TBX5: variants seen among roughly 807,000 people sequenced by gnomAD.
TBX5 encodes the protein T-box transcription factor 5.
A neutral mutation model predicts 51.1 loss-of-function variants in TBX5; 8 were observed. The ratio of observed to expected loss-of-function variants is 0.16; its 90% CI spans 0.09 to 0.28. TBX5 has a LOEUF of 0.28. Among genes scored for constraint, TBX5 ranks in the 10% least tolerant of loss-of-function variants. The probability of loss-of-function intolerance (pLI) is 1.00; values close to 1 mark genes in which losing one functional copy is unlikely to be tolerated. For missense variants in TBX5, 589 were observed against 671.7 expected (o/e 0.88, Z 1.36); for synonymous variants, 302 against 266.4 (o/e 1.13, Z -1.30).
intron 8 of TBX5, among the ~76,000 whole-genome samples, chr12:114,361,855 T>C (rs1364226836): frequency 1.3e-5 from 2 of 152,184 alleles, no homozygotes; most frequent in Non-Finnish European, 2.9e-5. Flanking sequence ...TCGGTTGGAA[T>C]GTTCCCTGTC....
chr12:114,363,518 A>T (rs769316549), intron 8 of TBX5, among the ~76,000 whole-genome samples: 2 of 152,236 alleles, frequency 1.3e-5, no homozygotes, highest in Admixed American at 6.5e-5. Context: ...AATTTAATCG[A>T]TTAGAGCTCC....
chr12:114,363,547 G>A (rs529061071), intron 8 of TBX5, among the ~76,000 whole-genome samples: 1 of 152,162 alleles, frequency 6.6e-6, no homozygotes, highest in Non-Finnish European at 1.5e-5. Flanking sequence ...AACCTGGTGA[G>A]CTCTTAATCA....
At position 114,403,775 on chromosome 12, in the gene TBX5, G is replaced by A. The variant is rs1205091445; in HGVS notation, c.124C>T (p.Pro42Ser). The stretch of plus-strand genomic sequence containing the variant: ...ACCTGCTGGGTGAAGGCGGCCTGCG[G>A]GGACGACGGGGACTTGCTGGGGGCC... The part of the protein sequence containing the change: ...LGAPSKSPSS[P>S]QAAFTQQGME... Residue 42 changes from proline to serine, a missense_variant, in exon 2 of 9, where the codon CCG becomes TCG. Pro to Ser is a moderately conservative substitution (Grantham distance 74, BLOSUM62 -1). Coordinates refer to ENST00000405440, the MANE Select transcript of TBX5 (RefSeq NM_181486.4). The A allele has an allele frequency of 1.2e-6, 2 of 1,613,832 alleles. No individual in the cohort carries two copies. Among genetic ancestry groups the A allele is most frequent in the East Asian group, 2.2e-5 (1 of 44,852 alleles).
chr12:114,366,385 T>C lies in TBX5; in HGVS notation c.762A>G (p.Glu254=), dbSNP rs1480808230. Residue 254 remains glutamate, a synonymous_variant, in exon 8 of 9, where the codon GAA becomes GAG. Coordinates refer to ENST00000405440, the MANE Select transcript of TBX5 (RefSeq NM_181486.4). ...LHRMSRMQSK[E]YPVVPRSTVR... is the part of the protein sequence containing the mutation. ...CGGTGCTCCTGGGGACCACGGGATATTCTTTACTGAAAGAGAAAAGATGGG... is the reference window on the plus strand; with the variant it reads ...CGGTGCTCCTGGGGACCACGGGATACTCTTTACTGAAAGAGAAAAGATGGG... 6.2e-7 allele frequency: 1 copy of C among 1,614,036 alleles called. No homozygotes were observed. Among genetic ancestry groups the C allele is most frequent in the African/African-American group, 1.3e-5 (1 of 74,938 alleles).
At chr12:114,358,883 T>C (rs12367410) in intron 8 of TBX5, among the ~76,000 whole-genome samples, 116,195 of 151,924 alleles carry the variant, frequency 0.76, 44,751 homozygotes, top group Non-Finnish European at 0.81. Context: ...TTTCCTTCAA[T>C]TCTTCCTTCC....
In TBX5 at chr12:114,355,441, G is replaced by T. The variant is rs1230313391; in HGVS notation, c.*91C>A. 2 of 1,495,640 alleles carry T rather than the reference G, an allele frequency of 1.3e-6. No individual in the cohort carries two copies. The highest frequency in any genetic ancestry group is 1.8e-6 in the Non-Finnish European group (2 of 1,092,382). 92.6% of individuals were successfully genotyped at this position (1,495,640 alleles called of 1,614,324 possible). ...TGAAATGAAAAATCTTGTCCGTGGG[G>T]TTCTCTTGGCTACTGTCTCTCTCCT... On this transcript the variant is annotated 3_prime_UTR_variant, in exon 9 of 9. Transcript: ENST00000405440.
upstream of TBX5, among the ~76,000 whole-genome samples, chr12:114,407,618 A>C (rs547303816): frequency 6.6e-6 from 1 of 152,314 alleles, no homozygotes; most frequent in East Asian, 1.9e-4. Flanking sequence ...GCCACCAAGC[A>C]AAATAGGGAT....
intron 6 of TBX5, among the ~76,000 whole-genome samples, chr12:114,392,574 A>G (rs934082175): frequency 3.9e-5 from 6 of 152,164 alleles, no homozygotes; most frequent in African/African-American, 1.4e-4. Context: ...GGTCACTTTT[A>G]TATGTCTACC....
upstream of TBX5, chr12:114,407,098 G>T: frequency 3.0e-6 from 3 of 985,378 alleles, no homozygotes; most frequent in Non-Finnish European, 3.6e-6. Flanking sequence ...GAAATGCCCC[G>T]AGGTCAGCAG....
chr12:114,390,377 A>C (rs897380815), intron 6 of TBX5, among the ~76,000 whole-genome samples: 1 of 152,252 alleles, frequency 6.6e-6, no homozygotes, highest in Non-Finnish European at 1.5e-5. Flanking sequence ...CTTCACTGAA[A>C]CTGACTTCTA....
intron 7 of TBX5, 144 bp downstream of exon 7, chr12:114,385,332 G>A (rs139708287): frequency 5.3e-6 from 4 of 753,338 alleles, no homozygotes; most frequent in African/African-American, 3.4e-5. Flanking sequence ...ATGGGACAGA[G>A]GGGGCTCATT....
chr12:114,382,175 G>A (rs904947250), intron 7 of TBX5, among the ~76,000 whole-genome samples: 15 of 151,972 alleles, frequency 9.9e-5, no homozygotes, highest in African/African-American at 3.6e-4. Context: ...TTAGCTGGAT[G>A]CGGTGCTGTG....
chr12:114,395,389 G>A (rs73203409), intron 5 of TBX5, among the ~76,000 whole-genome samples: 19,017 of 151,632 alleles, frequency 0.13, 1,356 homozygotes, highest in Middle Eastern at 0.18. Context: ...ACTGAAATAA[G>A]TAAAAAAAAA....
chr12:114,373,708 C>T (rs147887375), intron 7 of TBX5, among the ~76,000 whole-genome samples: 2,357 of 152,280 alleles, frequency 0.015, 51 homozygotes, highest in African/African-American at 0.054. Context: ...CCGCCCACCT[C>T]GGCCTCCCAA....
intron 2 of TBX5, among the ~76,000 whole-genome samples, chr12:114,402,396 A>G (rs1871888244): frequency 6.6e-6 from 1 of 152,240 alleles, no homozygotes; most frequent in South Asian, 2.1e-4. Flanking sequence ...CACTCAGAAT[A>G]TTCTCATGTA....
chr12:114,405,340 CT>C, intron 1 of TBX5, among the ~76,000 whole-genome samples: 1 of 152,180 alleles, frequency 6.6e-6, no homozygotes, highest in East Asian at 1.9e-4. Context: ...GGGGAGAATC[CT>C]ACCCCGCGCC....
chr12:114,375,297 A>C (rs866914721), intron 7 of TBX5, among the ~76,000 whole-genome samples: 1 of 152,210 alleles, frequency 6.6e-6, no homozygotes, highest in South Asian at 2.1e-4. Flanking sequence ...GTTGAAGGGC[A>C]GTTTCTGACC....
At chr12:114,408,131 G>A, upstream of TBX5, 7 of 985,440 alleles carry the variant, frequency 7.1e-6, no homozygotes, top group Non-Finnish European at 8.4e-6. Context: ...CGGCCCGCGC[G>A]CTGTCACGTT....
At chr12:114,407,742 G>T (rs908781311), upstream of TBX5, 2 of 984,696 alleles carry the variant, frequency 2.0e-6, no homozygotes, top group Non-Finnish European at 2.4e-6. Context: ...CTAAGACGGG[G>T]TGAAAAGCCA....
Sources: gnomAD v4.1 joint callset for allele counts (sites outside exome capture counted in the v4.1 genomes callset) on GRCh38, gnomAD v4.1.1 for gene constraint, MANE v1.5 for transcripts, NCBI Gene and HGNC (gene_info 2026-07-23, HGNC 2026-07-21) for gene names.